SRRM4: variants seen among roughly 807,000 people sequenced by gnomAD.
SRRM4 encodes the protein serine/arginine repetitive matrix protein 4.
SRRM4 carries 33 observed loss-of-function variants against 68.9 expected under a neutral mutation model. The observed-to-expected ratio is 0.48, with a 90% CI of 0.36 to 0.64. The LOEUF (loss-of-function observed/expected upper bound fraction) is 0.64, where lower values mean the gene tolerates loss of function less well. Among genes scored for constraint, SRRM4 ranks in the 30% least tolerant of loss-of-function variants. SRRM4 has a pLI of 0.00. For missense variants in SRRM4, 817 were observed against 827.1 expected (o/e 0.99, Z 0.15); for synonymous variants, 318 against 318.8 (o/e 1.00, Z 0.03).
intron 1 of SRRM4, among the ~76,000 whole-genome samples, chr12:119,072,463 A>AT (rs954406774): frequency 1.3e-5 from 2 of 151,792 alleles, no homozygotes; most frequent in African/African-American, 4.8e-5. Context: ...GGGAAGATCT[A>AT]TTTTTTTCCC....
chr12:119,017,431 C>T (rs906237379), intron 1 of SRRM4, among the ~76,000 whole-genome samples: 1 of 152,212 alleles, frequency 6.6e-6, no homozygotes, highest in African/African-American at 2.4e-5. Context: ...GACTAAGCCC[C>T]CTCAAGACTG....
intron 6 of SRRM4, 124 bp downstream of exon 6, chr12:119,122,244 A>AAGGAAGGCAGGAAGGC (rs546863868): frequency 1.2e-4 from 46 of 375,378 alleles, no homozygotes; most frequent in African/African-American, 9.8e-4. Context: ...GAGCGGGTGA[A>AAGGAAGGCAGGAAGGC]AGGAAGGCAG....
chr12:119,153,724 C>A, intron 11 of SRRM4, 75 bp downstream of exon 11: 1 of 1,110,848 alleles, frequency 9.0e-7, no homozygotes, highest in Non-Finnish European at 1.3e-6. Flanking sequence ...TCTGGCCCCG[C>A]CTCCCCGTTC....
At chr12:119,084,724 C>G (rs1525953) in intron 1 of SRRM4, among the ~76,000 whole-genome samples, 132,388 of 151,718 alleles carry the variant, frequency 0.87, 58,057 homozygotes, top group Middle Eastern at 0.95. Context: ...TCCGGTGGGG[C>G]AAAATAGAGA....
intron 1 of SRRM4, among the ~76,000 whole-genome samples, chr12:119,029,405 T>C (rs777930219): frequency 6.6e-6 from 1 of 152,178 alleles, no homozygotes; most frequent in Non-Finnish European, 1.5e-5. Context: ...AGATAAGAAT[T>C]TGGACCAATA....
At position 119,092,090 on chromosome 12, in the gene SRRM4, T is replaced by G. The variant is rs561776742; in HGVS notation, c.132-10146T>G. On this transcript the variant is annotated intron_variant, in intron 1 of 12. Transcript: ENST00000267260. ...AATAACTTGGAGCTGTCAGTCACTTTATATTTTAAAAGCCAGTCCACCAGG... is the reference window on the plus strand; with the variant it reads ...AATAACTTGGAGCTGTCAGTCACTTGATATTTTAAAAGCCAGTCCACCAGG... Among the ~76,000 whole-genome samples, 256 of 152,312 alleles carry G rather than the reference T, an allele frequency of 1.7e-3. 3 individuals carry two copies. The highest frequency in any genetic ancestry group is 6.0e-3 in the African/African-American group (249 of 41,558).
chr12:118,988,431 C>T (rs892197942), intron 1 of SRRM4, among the ~76,000 whole-genome samples: 1 of 152,216 alleles, frequency 6.6e-6, no homozygotes, highest in Non-Finnish European at 1.5e-5. Flanking sequence ...ATATAATATA[C>T]ATTTTCCAGC....
chr12:119,103,114 T>G (rs1015549409), intron 2 of SRRM4, among the ~76,000 whole-genome samples: 3 of 152,188 alleles, frequency 2.0e-5, no homozygotes, highest in Non-Finnish European at 4.4e-5. Context: ...CCCTGCCTCC[T>G]GTTTTCAGCA....
At chr12:118,984,443 G>A (rs928546419) in intron 1 of SRRM4, among the ~76,000 whole-genome samples, 28 of 152,050 alleles carry the variant, frequency 1.8e-4, no homozygotes, top group Admixed American at 1.2e-3. Flanking sequence ...GATCACAGTC[G>A]GCAAACCAGC....
At chr12:119,125,185 A>T (rs1403184179) in intron 6 of SRRM4, among the ~76,000 whole-genome samples, 196 bp from the exon 7 acceptor site, 18 of 152,124 alleles carry the variant, frequency 1.2e-4, no homozygotes, top group Non-Finnish European at 2.1e-4. Flanking sequence ...ATTCAGTACC[A>T]TTGGTTACGG....
At chr12:119,067,426 G>T (rs1953852613) in intron 1 of SRRM4, among the ~76,000 whole-genome samples, 2 of 152,170 alleles carry the variant, frequency 1.3e-5, no homozygotes, top group South Asian at 4.1e-4. Context: ...ATAAGCCTTG[G>T]CAGGGTGCAG....
At chr12:119,030,078 G>T (rs1213148339) in intron 1 of SRRM4, among the ~76,000 whole-genome samples, 1 of 152,254 alleles carries the variant, frequency 6.6e-6, no homozygotes, top group African/African-American at 2.4e-5. Flanking sequence ...CAAATGAAAC[G>T]GAACAGCAAC....
intron 9 of SRRM4, among the ~76,000 whole-genome samples, chr12:119,146,780 C>T (rs1037792269): frequency 6.6e-6 from 1 of 151,752 alleles, no homozygotes; most frequent in Non-Finnish European, 1.5e-5. Flanking sequence ...ACTAAAAATA[C>T]AAAAATTTAG....
At chr12:119,039,657 G>A (rs942330121) in intron 1 of SRRM4, among the ~76,000 whole-genome samples, 7 of 152,122 alleles carry the variant, frequency 4.6e-5, no homozygotes, top group Non-Finnish European at 8.8e-5. Context: ...CCTTACAAAG[G>A]TGGTATATAA....
intron 8 of SRRM4, among the ~76,000 whole-genome samples, chr12:119,137,501 T>TG: frequency 6.6e-6 from 1 of 151,560 alleles, no homozygotes; most frequent in South Asian, 2.1e-4. Flanking sequence ...GAGTTCGTGG[T>TG]GGGGGGATTT....
At chr12:119,097,723 T>G (rs1449336701) in intron 1 of SRRM4, among the ~76,000 whole-genome samples, 2 of 152,194 alleles carry the variant, frequency 1.3e-5, no homozygotes, top group African/African-American at 4.8e-5. Context: ...TGACCCCTGT[T>G]GCTGACAATG....
rs144558903 is a variant in SRRM4, at chr12:119,146,393, C to T, written c.1076+708C>T. On this transcript the variant is annotated intron_variant, in intron 9 of 12. Coordinates refer to ENST00000267260, the MANE Select transcript of SRRM4 (RefSeq NM_194286.4). ...CCTGAGGTCAGGAGTTCGAGACCGG[C>T]GTGACCAACATGGAGAAACCCTGTC... is the stretch of plus-strand genomic sequence containing the variant. Among the ~76,000 whole-genome samples, 1,450 of 150,494 alleles carry T rather than the reference C, an allele frequency of 9.6e-3. 27 individuals are homozygous for T. The highest frequency in any genetic ancestry group is 0.033 in the African/African-American group (1,359 of 40,912).
At chr12:119,033,605 C>T (rs7977027) in intron 1 of SRRM4, among the ~76,000 whole-genome samples, 2 of 151,014 alleles carry the variant, frequency 1.3e-5, no homozygotes, top group Non-Finnish European at 2.9e-5. Context: ...CGGAGGTCGC[C>T]GTGAGCAGAG....
At chr12:119,002,178 A>T (rs1201012174) in intron 1 of SRRM4, among the ~76,000 whole-genome samples, 1 of 152,052 alleles carries the variant, frequency 6.6e-6, no homozygotes, top group South Asian at 2.1e-4. Context: ...GTTGCCTGCC[A>T]TGCCATTAGT....
Sources: allele counts gnomAD v4.1 joint callset (sites outside exome capture counted in the v4.1 genomes callset), GRCh38; gene constraint gnomAD v4.1.1; transcripts MANE v1.5; gene names NCBI Gene and HGNC (gene_info 2026-07-23, HGNC 2026-07-21).